SINHCAF: variants seen among roughly 807,000 people sequenced by gnomAD.
SINHCAF encodes the protein SIN3-HDAC complex-associated factor.
In SINHCAF, 3 loss-of-function variants were observed where a neutral mutation model predicts 25.8. The ratio of observed to expected loss-of-function variants is 0.12; its 90% CI spans 0.05 to 0.30. SINHCAF has a LOEUF of 0.30. Among genes scored for constraint, SINHCAF ranks in the 10% least tolerant of loss-of-function variants. SINHCAF has a pLI of 1.00. For missense variants in SINHCAF, 121 were observed against 262.3 expected (o/e 0.46, Z 3.72); for synonymous variants, 70 against 85.5 (o/e 0.82, Z 1.00).
intron 1 of SINHCAF, among the ~76,000 whole-genome samples, chr12:31,313,503 T>C (rs1939364290): frequency 6.6e-6 from 1 of 152,258 alleles, no homozygotes; most frequent in East Asian, 1.9e-4. Context: ...TTCTTTAAGA[T>C]TATCTTGGCT....
At chr12:31,295,860 G>A (rs571578853) in intron 2 of SINHCAF, among the ~76,000 whole-genome samples, 4 of 150,078 alleles carry the variant, frequency 2.7e-5, no homozygotes, top group East Asian at 2.0e-4. Flanking sequence ...CAACAAGAGC[G>A]AGACTCCATC....
chr12:31,322,377 T>C (rs1472022003), intron 1 of SINHCAF, among the ~76,000 whole-genome samples: 1 of 152,212 alleles, frequency 6.6e-6, no homozygotes, highest in Non-Finnish European at 1.5e-5. Context: ...AAGCACCTCA[T>C]ATGCATTTTA....
intron 2 of SINHCAF, 90 bp from the exon 3 acceptor site, chr12:31,295,423 A>G (rs917843250): frequency 3.7e-6 from 3 of 808,744 alleles, no homozygotes; most frequent in Admixed American, 2.3e-5. Context: ...AACTGTATCT[A>G]TGTATGGTTT....
In SINHCAF at chr12:31,324,059, G is replaced by A. The variant is rs988436447; in HGVS notation, c.-21+1965C>T. ...GTTGGTAAATAAGACATCTCGCGTCGGGAGGAAAGTTCCTGCGGGGGCCGC... is the reference window on the plus strand; with the variant it reads ...GTTGGTAAATAAGACATCTCGCGTCAGGAGGAAAGTTCCTGCGGGGGCCGC... On this transcript the variant is annotated intron_variant, in intron 1 of 5. Coordinates refer to ENST00000337682, the MANE Select transcript of SINHCAF (RefSeq NM_001135812.2). The surrounding 1 kb of genome is among the most constrained non-coding windows in gnomAD (Gnocchi z 5.5). 1.1e-5 allele frequency: 5 copies of A among 454,170 alleles called. No individual in the cohort carries two copies. Among genetic ancestry groups the A allele is most frequent in the Non-Finnish European group, 1.8e-5 (4 of 226,770 alleles). The allele number at this position is 454,170 out of a possible 1,614,324, so 28.1% of individuals were successfully genotyped here. A position where few individuals can be genotyped will look rare whatever the true frequency, so the allele number is the denominator to read the frequency against.
intron 1 of SINHCAF, among the ~76,000 whole-genome samples, chr12:31,312,473 C>T (rs953471399): frequency 2.0e-5 from 3 of 152,152 alleles, no homozygotes; most frequent in Admixed American, 2.0e-4. Context: ...ATGATGGTAC[C>T]AGTTAACACT....
intron 1 of SINHCAF, chr12:31,302,889 G>C: frequency 2.1e-5 from 20 of 972,588 alleles, no homozygotes; most frequent in Non-Finnish European, 2.4e-5. Flanking sequence ...ACAAACTCCA[G>C]TTACAAATGC....
chr12:31,308,340 G>A (rs911678919), intron 1 of SINHCAF, among the ~76,000 whole-genome samples: 2 of 152,132 alleles, frequency 1.3e-5, no homozygotes, highest in Admixed American at 1.3e-4. Flanking sequence ...AAAGGGTTGA[G>A]TCACACAATA....
chr12:31,317,896 T>G (rs949742177), intron 1 of SINHCAF, among the ~76,000 whole-genome samples: 5 of 152,106 alleles, frequency 3.3e-5, no homozygotes, highest in African/African-American at 1.2e-4. Context: ...CAAAAAGAAC[T>G]AAGCAACCAA....
rs1387491415 is a variant in SINHCAF, at chr12:31,324,865, C to T, written c.-21+1159G>A. On this transcript the variant is annotated intron_variant, in intron 1 of 5. Transcript: ENST00000337682. The surrounding 1 kb of genome is among the most constrained non-coding windows in gnomAD (Gnocchi z 5.5). ...CTTGATGAGAAACGCCCGGAGTATC[C>T]GCCCCGCACGGGCGGAGAGTTGGCG... The T allele has an allele frequency of 9.4e-6, 4 of 423,858 alleles. No homozygotes were observed. Among genetic ancestry groups the T allele is most frequent in the South Asian group, 6.6e-5 (4 of 60,554 alleles). 26.3% of individuals were successfully genotyped at this position (423,858 alleles called of 1,614,324 possible). A position where few individuals can be genotyped will look rare whatever the true frequency, so the allele number is the denominator to read the frequency against.
chr12:31,296,414 C>T (rs935737596), intron 2 of SINHCAF, among the ~76,000 whole-genome samples: 2 of 152,080 alleles, frequency 1.3e-5, no homozygotes, highest in Admixed American at 1.3e-4. Flanking sequence ...GATCTGTCCG[C>T]CTTGGCCTCC....
intron 1 of SINHCAF, among the ~76,000 whole-genome samples, chr12:31,314,281 T>A (rs1939408511): frequency 1.3e-5 from 2 of 151,240 alleles, no homozygotes; most frequent in African/African-American, 4.9e-5. Flanking sequence ...ATCCCAGCAG[T>A]TTAGGAGGCG....
chr12:31,294,069 CACATG>C (rs1252060446), intron 3 of SINHCAF, 138 bp from the exon 4 acceptor site: 7 of 577,482 alleles, frequency 1.2e-5, no homozygotes, highest in Middle Eastern at 2.6e-4. Context: ...CTTTAATCAT[CACATG>C]ACATAAGGGA....
rs1283169106 is a variant in SINHCAF at position 31,324,019 on chromosome 12, C to G, written c.-21+2005G>C. 2.2e-6 allele frequency: 1 copy of G among 455,696 alleles called. No individual in the cohort carries two copies. Among genetic ancestry groups the G allele is most frequent in the Admixed American group, 2.3e-5 (1 of 42,584 alleles). 28.2% of individuals were successfully genotyped at this position (455,696 alleles called of 1,614,324 possible). A position where few individuals can be genotyped will look rare whatever the true frequency, so the allele number is the denominator to read the frequency against. On this transcript the variant is annotated intron_variant, in intron 1 of 5. Coordinates refer to ENST00000337682, the MANE Select transcript of SINHCAF (RefSeq NM_001135812.2). The surrounding 1 kb of genome is among the most constrained non-coding windows in gnomAD (Gnocchi z 5.5). ...GACGCCGAGCCAGCAAGTAAGAATG[C>G]TCCCTGGTGGATTTGTTGGTAAATA...
intron 5 of SINHCAF, among the ~76,000 whole-genome samples, chr12:31,286,582 G>C (rs1275257735): frequency 1.3e-5 from 2 of 149,830 alleles, no homozygotes; most frequent in East Asian, 4.0e-4. Flanking sequence ...GAGAATCACT[G>C]AACCCGGGAG....
At position 31,318,792 on chromosome 12, in the gene SINHCAF, C is replaced by T. The variant is rs78197274; in HGVS notation, c.-21+7232G>A. 5.1e-3 allele frequency among the ~76,000 whole-genome samples: 772 copies of T among 151,926 alleles called. 6 individuals carry two copies. The highest frequency in any genetic ancestry group is 0.037 in the East Asian group (191 of 5,176). On this transcript the variant is annotated intron_variant, in intron 1 of 5. Coordinates refer to ENST00000337682, the MANE Select transcript of SINHCAF (RefSeq NM_001135812.2). The stretch of plus-strand genomic sequence containing the variant: ...ATGATTATGAGTTAGAAAATATAAC[C>T]ATACTTGGGTCTGCAATGAGTCAAT...
intron 1 of SINHCAF, among the ~76,000 whole-genome samples, chr12:31,307,605 T>C (rs780189783): frequency 8.6e-5 from 13 of 151,536 alleles, no homozygotes; most frequent in Non-Finnish European, 1.9e-4. Context: ...TGCAACGAGA[T>C]GGTAACATTA....
chr12:31,322,266 T>C (rs1474043236), intron 1 of SINHCAF, among the ~76,000 whole-genome samples: 1 of 152,228 alleles, frequency 6.6e-6, no homozygotes, highest in Non-Finnish European at 1.5e-5. Context: ...AAGCTCTGTA[T>C]GTAGTATATG....
At chr12:31,311,037 T>C (rs1939245892) in intron 1 of SINHCAF, among the ~76,000 whole-genome samples, 1 of 148,596 alleles carries the variant, frequency 6.7e-6, no homozygotes, top group African/African-American at 2.5e-5. Context: ...GACTGGCTGA[T>C]TTTTGTATTT....
In SINHCAF at chr12:31,325,828, G is replaced by C. The variant is rs1244681244; in HGVS notation, c.-21+196C>G. 2.0e-5 allele frequency: 3 copies of C among 152,366 alleles called. No individual in the cohort carries two copies. Among genetic ancestry groups the C allele is most frequent in the African/African-American group, 7.3e-5 (3 of 41,330 alleles). 9.4% of individuals were successfully genotyped at this position (152,366 alleles called of 1,614,324 possible). ...CAATTAATAAATACACACTAAACAC[G>C]AGCGTACCAAAGAACCTGGGGTCTG... On this transcript the variant is annotated intron_variant, in intron 1 of 5. Coordinates refer to ENST00000337682, the MANE Select transcript of SINHCAF (RefSeq NM_001135812.2). This position sits in a 1 kb window ranked among gnomAD's most constrained non-coding sequence, Gnocchi z 5.9.
Sources: allele counts gnomAD v4.1 joint callset (sites outside exome capture counted in the v4.1 genomes callset), GRCh38; gene constraint gnomAD v4.1.1; non-coding constraint Gnocchi (gnomAD v3.1); transcripts MANE v1.5; gene names NCBI Gene and HGNC (gene_info 2026-07-23, HGNC 2026-07-21).